FBLN5: variants seen among roughly 807,000 people sequenced by gnomAD.
FBLN5 encodes fibulin-5.
FBLN5 carries 24 observed loss-of-function variants against 61.6 expected under a neutral mutation model. The observed-to-expected ratio is 0.39, with a 90% confidence interval of 0.28 to 0.55. FBLN5 has a LOEUF of 0.55. Among genes scored for constraint, FBLN5 ranks in the 20% least tolerant of loss-of-function variants. The pLI is 0.65. For missense variants in FBLN5, 470 were observed against 594.1 expected, an observed-to-expected ratio of 0.79 and a Z score of 2.17; for synonymous variants, 213 against 219.8, an observed-to-expected ratio of 0.97 and a Z score of 0.27.
At chr14:91,942,792 C>T (rs2056126417) in intron 2 of FBLN5, 115 bp downstream of exon 2, 1 of 715,402 alleles carries the variant, frequency 1.4e-6, no homozygotes, top group South Asian at 1.5e-5. Context: ...CAGATGAGGT[C>T]AACTGTAAAG....
intron 4 of FBLN5, among the ~76,000 whole-genome samples, chr14:91,903,630 C>T (rs531309114): frequency 6.6e-6 from 1 of 152,162 alleles, no homozygotes; most frequent in African/African-American, 2.4e-5. Context: ...AACTCCTTGC[C>T]CCTCCCACCT....
At chr14:91,902,615 T>C (rs949311683) in intron 4 of FBLN5, among the ~76,000 whole-genome samples, 6 of 152,204 alleles carry the variant, frequency 3.9e-5, no homozygotes, top group Admixed American at 2.6e-4. Context: ...TATGACTCAG[T>C]GGGGATCTTG....
chr14:91,904,711 C>A (rs116529698), intron 4 of FBLN5, among the ~76,000 whole-genome samples: 1 of 152,248 alleles, frequency 6.6e-6, no homozygotes, highest in African/African-American at 2.4e-5. Context: ...CCAGTCCCAA[C>A]GTGGGGGCTC....
chr14:91,887,285 GGGTTCTC>G lies in FBLN5; in HGVS notation c.640_646del (p.Glu214ProfsTer48). ...GGTGTTGACGCAGGTTTGCACGCAG[GGGTTCTC>G]GGTGGCACACTCGTTCACATCTGTG... On this transcript the variant is annotated frameshift_variant, in exon 7 of 11. Transcript: ENST00000342058. LOFTEE classifies it high-confidence loss of function. 6.2e-7 allele frequency: 1 copy of G among 1,613,594 alleles called. No homozygotes were observed.
rs1255850772 is a variant in FBLN5 at position 91,883,066 on chromosome 14, C to T, written c.750G>A (p.Glu250=). 3.7e-6 allele frequency: 6 copies of T among 1,613,872 alleles called. No individual in the cohort carries two copies. Among genetic ancestry groups the T allele is most frequent in the African/African-American group, 2.7e-5 (2 of 74,928 alleles). ...GGCAGAGGAACTCAGAGAAGCTGCACTCGTCCATATCTGGGGTGACAAGTC... is the reference window on the plus strand; with the variant it reads ...GGCAGAGGAACTCAGAGAAGCTGCATTCGTCCATATCTGGGGTGACAAGTC... ...EDGVHCSDMD[E]CSFSEFLCQH... is the part of the protein sequence containing the mutation. The change falls in exon 8 of 11, where the codon GAG becomes GAA. Residue 250 remains glutamate (E), a synonymous_variant. Coordinates refer to ENST00000342058, the MANE Select transcript of FBLN5 (RefSeq NM_006329.4).
chr14:91,935,153 T>A (rs566233018), intron 4 of FBLN5, among the ~76,000 whole-genome samples: 207 of 152,332 alleles, frequency 1.4e-3, no homozygotes, highest in African/African-American at 4.9e-3. Context: ...ATCTCCCGTG[T>A]GACAGGTTCA....
rs189066573 is a variant in FBLN5 at position 91,943,893 on chromosome 14, C to T, written c.18-932G>A. On this transcript the variant is annotated intron_variant, in intron 1 of 10. Transcript: ENST00000342058. This position sits in a 1 kb window ranked among gnomAD's most constrained non-coding sequence, Gnocchi z 4.0. ...CACAGCCCAGGGAAAATGAAACCCG[C>T]GGGAAAACAGGAGGAGGAGTCACGC... is the stretch of plus-strand genomic sequence containing the variant. Among the ~76,000 whole-genome samples the T allele has an allele frequency of 1.6e-4, 25 of 152,236 alleles. No homozygotes were observed. Among genetic ancestry groups the T allele is most frequent in the South Asian group, 8.3e-4 (4 of 4,822 alleles).
chr14:91,936,866 C>A (rs1287229844), intron 4 of FBLN5, 81 bp downstream of exon 4: 1 of 1,532,750 alleles, frequency 6.5e-7, no homozygotes, highest in African/African-American at 1.4e-5. Context: ...AACTAACAAC[C>A]CATTTGTGGT....
intron 9 of FBLN5, among the ~76,000 whole-genome samples, chr14:91,880,871 G>A (rs1168678948): frequency 6.6e-6 from 1 of 152,018 alleles, no homozygotes; most frequent in Non-Finnish European, 1.5e-5. Context: ...TTCTTACTGT[G>A]TGTTGTGGTC....
chr14:91,922,473 TTAC>T (rs2055755147), intron 4 of FBLN5, among the ~76,000 whole-genome samples: 1 of 152,110 alleles, frequency 6.6e-6, no homozygotes, highest in African/African-American at 2.4e-5. Context: ...CCAGTGGGAA[TTAC>T]TACAATGAAA....
chr14:91,894,841 C>CAAAA, intron 5 of FBLN5, 109 bp downstream of exon 5: 3 of 563,080 alleles, frequency 5.3e-6, no homozygotes, highest in Non-Finnish European at 9.3e-6. Flanking sequence ...CCCTCCCTAG[C>CAAAA]AAAGAAAAGC....
chr14:91,910,965 G>A (rs1890896374), intron 4 of FBLN5, among the ~76,000 whole-genome samples: 1 of 149,376 alleles, frequency 6.7e-6, no homozygotes, highest in Non-Finnish European at 1.5e-5. Flanking sequence ...AAATTCTGCT[G>A]CCCTCATTTT....
At chr14:91,932,373 A>T (rs1203399070) in intron 4 of FBLN5, among the ~76,000 whole-genome samples, 1 of 152,172 alleles carries the variant, frequency 6.6e-6, no homozygotes, top group Non-Finnish European at 1.5e-5. Flanking sequence ...CCAAAGTGGA[A>T]CCAAAAAGAG....
chr14:91,911,046 C>T (rs1281995732), intron 4 of FBLN5, among the ~76,000 whole-genome samples: 1 of 151,740 alleles, frequency 6.6e-6, no homozygotes, highest in Non-Finnish European at 1.5e-5. Context: ...TGCAGCGGCA[C>T]GATCTCAGCT....
intron 4 of FBLN5, among the ~76,000 whole-genome samples, chr14:91,934,901 C>T (rs900779699): frequency 2.6e-5 from 4 of 152,172 alleles, no homozygotes; most frequent in African/African-American, 9.7e-5. Context: ...CCTTCTCTTA[C>T]TTCCCCCCAC....
At chr14:91,871,220 T>TAAA (rs1566796031) in intron 10 of FBLN5, among the ~76,000 whole-genome samples, 171 of 23,998 alleles carry the variant, frequency 7.1e-3, no homozygotes, top group African/African-American at 9.8e-3. Flanking sequence ...GATCAGTAAT[T>TAAA]TAAAAAAAAA....
chr14:91,906,179 G>A (rs570210411), intron 4 of FBLN5, among the ~76,000 whole-genome samples: 3 of 152,186 alleles, frequency 2.0e-5, no homozygotes, highest in East Asian at 1.9e-4. Flanking sequence ...GACCATGCCC[G>A]ACTGAGAATA....
In FBLN5 at chr14:91,947,313, T is replaced by A; in HGVS notation, c.-84A>T. ...CCGGAGGAGCTCGGGCACGTCGGCC[T>A]CCTCTGGGCCCTCGGGGCTCGCGGG... On this transcript the variant is annotated 5_prime_UTR_variant, in exon 1 of 11. Transcript: ENST00000342058. The surrounding 1 kb of genome is among the most constrained non-coding windows in gnomAD (Gnocchi z 4.3). 2.0e-6 allele frequency: 3 copies of A among 1,523,276 alleles called. No individual in the cohort carries two copies. The highest frequency in any genetic ancestry group is 1.8e-6 in the Non-Finnish European group (2 of 1,098,694). The allele number at this position is 1,523,276 out of a possible 1,614,324, so 94.4% of individuals were successfully genotyped here.
chr14:91,889,973 G>A (rs1312169291), intron 6 of FBLN5, among the ~76,000 whole-genome samples: 1 of 152,164 alleles, frequency 6.6e-6, no homozygotes, highest in Non-Finnish European at 1.5e-5. Context: ...CCAATCCCAG[G>A]CCTTGGCACA....
Sources: gnomAD v4.1 joint callset for allele counts (sites outside exome capture counted in the v4.1 genomes callset) on GRCh38, gnomAD v4.1.1 for gene constraint, Gnocchi (gnomAD v3.1) non-coding constraint, MANE v1.5 for transcripts, NCBI Gene and HGNC (gene_info 2026-07-23, HGNC 2026-07-21) for gene names.